The following PCARE variants were observed in gnomAD, a reference collection of about 807,000 sequenced individuals.
PCARE encodes photoreceptor cilium actin regulator, also known as uncharacterized protein C2orf71.
Under a neutral mutation model 82.2 loss-of-function variants are expected in PCARE, and 72 were observed. That is an observed-to-expected ratio of 0.88 (90% confidence interval 0.72 to 1.07). PCARE has a LOEUF of 1.07. Ranked by LOEUF, PCARE falls within the 50% of genes least tolerant of loss-of-function variation. The pLI, the probability that PCARE is intolerant of heterozygous loss-of-function variation, is 0.00. For synonymous variants in PCARE, 705 were observed against 634.8 expected, an observed-to-expected ratio of 1.11 and a Z score of -1.66; for missense variants, 1,768 against 1,592.4, an observed-to-expected ratio of 1.11 and a Z score of -1.88.
rs371950114 is a variant in PCARE at position 29,073,116 on chromosome 2, C to T, written c.1146G>A (p.Ser382=). 1.5e-5 allele frequency: 25 copies of T among 1,614,010 alleles called. 1 individual carries two copies. Among genetic ancestry groups the T allele is most frequent in the South Asian group, 9.9e-5 (9 of 91,088 alleles). Residue 382 remains serine (S), a synonymous_variant, in exon 1 of 2, where the codon TCG becomes TCA. Transcript: ENST00000331664. Reference sequence around the variant, plus strand: ...TGGCCTCTGTGTGGGGTGAAGTCACCGACTTCCATTCTTCGGGCTCTGGTG... The same window carrying T: ...TGGCCTCTGTGTGGGGTGAAGTCACTGACTTCCATTCTTCGGGCTCTGGTG... ...DLAPEPEEWK[S]VTSPHTEARQ... is the part of the protein sequence containing the mutation.
Position 29,063,667 on chromosome 2 carries a change from C to G in PCARE, c.*1202G>C, listed in dbSNP as rs1036707290. The G allele has an allele frequency of 6.6e-6, 1 of 152,630 alleles. No homozygotes were observed. Among genetic ancestry groups the G allele is most frequent in the Non-Finnish European group, 1.5e-5 (1 of 68,044 alleles). The allele number at this position is 152,630 out of a possible 1,614,324, so 9.5% of individuals were successfully genotyped here. A position where few individuals can be genotyped will look rare whatever the true frequency, so the allele number is the denominator to read the frequency against. On this transcript the variant is annotated 3_prime_UTR_variant, in exon 2 of 2. Coordinates refer to ENST00000331664, the MANE Select transcript of PCARE (RefSeq NM_001029883.3). Reference sequence around the variant, plus strand: ...CTTGTCTTTTGCCAACCCATTGAGCCGGCATTGAATCACTCAATTACTGCA... The same window carrying G: ...CTTGTCTTTTGCCAACCCATTGAGCGGGCATTGAATCACTCAATTACTGCA...
chr2:29,065,130 C>T, intron 1 of PCARE, 63 bp from the exon 2 acceptor site: 1 of 1,502,830 alleles, frequency 6.7e-7, no homozygotes, highest in East Asian at 2.5e-5. Context: ...TCCTGCCCCA[C>T]CCCTGTCCTC....
rs554207986 is a variant in PCARE at position 29,070,988 on chromosome 2, G to A, written c.3274C>T (p.Pro1092Ser). 5 of 1,612,124 alleles carry A rather than the reference G, an allele frequency of 3.1e-6. No individual in the cohort carries two copies. The highest frequency in any genetic ancestry group is 2.2e-5 in the East Asian group (1 of 44,852). ...PPFSIPSPSP[P>S]MSPSQEHKET... ...TTGTGCTCCTGAGAAGGGGACATTG[G>A]GGGTGATGGGGAGGGAATCGAGAAA... Residue 1092 changes from proline to serine, a missense_variant, in exon 1 of 2, where the codon CCA (proline) becomes TCA (serine). Transcript: ENST00000331664.
chr2:29,070,105 G>GATATAT (rs139616331), intron 1 of PCARE, among the ~76,000 whole-genome samples: 1 of 151,290 alleles, frequency 6.6e-6, no homozygotes, highest in South Asian at 2.1e-4. Flanking sequence ...ATTTTTTTGA[G>GATATAT]ATATATATAT....
At chr2:29,070,573 T>C (rs1667453894) in intron 1 of PCARE, 21 bp downstream of exon 1, 1 of 1,613,882 alleles carries the variant, frequency 6.2e-7, no homozygotes, top group South Asian at 1.1e-5. Context: ...TGAAGGGCAG[T>C]GACCCCAGGA....
rs1667331906 is a variant in PCARE at position 29,062,838 on chromosome 2, C to T, written c.*2031G>A. On this transcript the variant is annotated 3_prime_UTR_variant, in exon 2 of 2. Coordinates refer to ENST00000331664, the MANE Select transcript of PCARE (RefSeq NM_001029883.3). Reference sequence around the variant, plus strand: ...TCCTGGGGTTCCACCCCTCATGGTACCCCAGTTTCACCCACTGTGTCCCAC... The same window carrying T: ...TCCTGGGGTTCCACCCCTCATGGTATCCCAGTTTCACCCACTGTGTCCCAC... 6.6e-6 allele frequency: 1 copy of T among 152,200 alleles called. No homozygotes were observed. Among genetic ancestry groups the T allele is most frequent in the Non-Finnish European group, 1.5e-5 (1 of 68,050 alleles). 9.4% of individuals were successfully genotyped at this position (152,200 alleles called of 1,614,324 possible).
chr2:29,071,571 G>C lies in PCARE; in HGVS notation c.2691C>G (p.Thr897=), dbSNP rs767685634. ...TGCTGTGAGGCTTGGTCAGGCTGGC[G>C]GTGCTCTTGCTGGGCAGCAAGTCCA... ...SPLDLLPSKS[T]ASLTKPHSTG... is the part of the protein sequence containing the mutation. The change falls in exon 1 of 2, where the codon ACC becomes ACG. Residue 897 remains threonine, a synonymous_variant. Transcript: ENST00000331664. 1 of 1,610,760 alleles carries C rather than the reference G, an allele frequency of 6.2e-7. No individual in the cohort carries two copies. Among genetic ancestry groups the C allele is most frequent in the South Asian group, 1.1e-5 (1 of 91,070 alleles).
Position 29,071,305 on chromosome 2 carries a change from C to T in PCARE, c.2957G>A (p.Arg986Lys). 5 of 1,613,420 alleles carry T rather than the reference C, an allele frequency of 3.1e-6. No individual in the cohort carries two copies. Among genetic ancestry groups the T allele is most frequent in the Non-Finnish European group, 4.2e-6 (5 of 1,179,908 alleles). The change falls in exon 1 of 2, where the codon AGA becomes AAA. Residue 986 changes from arginine (R) to lysine (K), a missense_variant. Coordinates refer to ENST00000331664, the MANE Select transcript of PCARE (RefSeq NM_001029883.3). ...GGCCTTTCTGCCCACAGGGGGGCTT[C>T]TCTCTCGGCTCTGCCTTGGTCTGGC... ...SLARPRQSRE[R>K]SPPVGRKASP...
Position 29,071,793 on chromosome 2 carries a change from C to T in PCARE, c.2469G>A (p.Met823Ile). 2 of 1,613,770 alleles carry T rather than the reference C, an allele frequency of 1.2e-6. No individual in the cohort carries two copies. The highest frequency in any genetic ancestry group is 2.2e-5 in the South Asian group (2 of 91,034). Residue 823 changes from methionine (M) to isoleucine (I), a missense_variant, in exon 1 of 2, where the codon ATG becomes ATA. Coordinates refer to ENST00000331664, the MANE Select transcript of PCARE (RefSeq NM_001029883.3). The part of the protein sequence containing the change: ...AAKSEELSCE[M>I]EGNLEHLPPP... ...GAGGGAGGTGCTCGAGGTTCCCCTC[C>T]ATTTCACAGCTGAGCTCCTCACTCT...
chr2:29,072,006 G>A lies in PCARE; in HGVS notation c.2256C>T (p.Asp752=), dbSNP rs375644198. The change falls in exon 1 of 2, where the codon GAC becomes GAT. Residue 752 remains aspartate, a synonymous_variant. Transcript: ENST00000331664. ...ESLRMLGDSK[D]AGASPCLRNC... Reference sequence around the variant, plus strand: ...TCCTGAGGCAGGGACTTGCCCCAGCGTCCTTAGAGTCCCCCAGCATCCTCA... The same window carrying A: ...TCCTGAGGCAGGGACTTGCCCCAGCATCCTTAGAGTCCCCCAGCATCCTCA... 5.5e-5 allele frequency: 88 copies of A among 1,613,938 alleles called. No homozygotes were observed. Among genetic ancestry groups the A allele is most frequent in the South Asian group, 2.1e-4 (19 of 91,076 alleles).
rs1365408278 is a variant in PCARE, at chr2:29,071,195, G to C, written c.3067C>G (p.Pro1023Ala). The change falls in exon 1 of 2, where the codon CCC (proline) becomes GCC (alanine). Residue 1023 changes from proline (P) to alanine (A), a missense_variant. Pro to Ala is a conservative substitution (Grantham distance 27). Coordinates refer to ENST00000331664, the MANE Select transcript of PCARE (RefSeq NM_001029883.3). ...CTGGGGGGCGTCTGCACAGCAGAGG[G>C]GCTTGGCTGGGCAGGTCTGTAAGAG... ...PSSYRPAQPSPSAVQTPPSPP... is the reference protein window; with the variant it reads ...PSSYRPAQPSASAVQTPPSPP... 2 of 1,598,922 alleles carry C rather than the reference G, an allele frequency of 1.3e-6. No individual in the cohort carries two copies. The highest frequency in any genetic ancestry group is 2.3e-5 in the South Asian group (2 of 88,176).
chr2:29,069,054 TGGAGAGCCCCGCGTCTACATGA>T (rs1440971737), intron 1 of PCARE, among the ~76,000 whole-genome samples: 1 of 152,170 alleles, frequency 6.6e-6, no homozygotes, highest in Admixed American at 6.5e-5. Flanking sequence ...GAATGCAGGG[TGGAGAGCCCCGCGTCTACATGA>T]GGTGTGAGAT....
In PCARE at chr2:29,073,117, G is replaced by A. The variant is rs754861941; in HGVS notation, c.1145C>T (p.Ser382Leu). The A allele has an allele frequency of 8.7e-6, 14 of 1,613,998 alleles. No homozygotes were observed. The highest frequency in any genetic ancestry group is 2.2e-5 in the South Asian group (2 of 91,078). ...DLAPEPEEWK[S>L]VTSPHTEARQ... is the part of the protein sequence containing the mutation. The stretch of plus-strand genomic sequence containing the variant: ...GGCCTCTGTGTGGGGTGAAGTCACC[G>A]ACTTCCATTCTTCGGGCTCTGGTGC... Residue 382 changes from serine (S) to leucine (L), a missense_variant, in exon 1 of 2, where the codon TCG becomes TTG. Physicochemically the swap from Ser to Leu is moderately radical, Grantham distance 145. Coordinates refer to ENST00000331664, the MANE Select transcript of PCARE (RefSeq NM_001029883.3).
Position 29,072,758 on chromosome 2 carries a change from G to A in PCARE, c.1504C>T (p.Leu502=). The change falls in exon 1 of 2, where the codon CTG becomes TTG. Residue 502 remains leucine, a synonymous_variant. Transcript: ENST00000331664. ...EEEDKMSSMS[L]CAWQEKTPHS... is the part of the protein sequence containing the mutation. ...GGAGTTTTTTCCTGCCAGGCACACA[G>A]ACTCATGCTGCTCATTTTGTCTTCC... is the stretch of plus-strand genomic sequence containing the variant. 1.2e-6 allele frequency: 2 copies of A among 1,614,090 alleles called. No individual in the cohort carries two copies. The highest frequency in any genetic ancestry group is 2.2e-5 in the South Asian group (2 of 91,074).
At position 29,073,429 on chromosome 2, in the gene PCARE, A is replaced by C; in HGVS notation, c.833T>G (p.Leu278Arg). 1 of 1,614,148 alleles carries C rather than the reference A, an allele frequency of 6.2e-7. No individual in the cohort carries two copies. The highest frequency in any genetic ancestry group is 1.1e-5 in the South Asian group (1 of 91,082). ...GGCCACTGTGCCATTGAGCACCTGC[A>C]GCTTGCTGACTGTGTACTGTAGCAG... Reference protein sequence around the residue: ...QQLLQYTVSKLQVLNGTVASL... With the variant: ...QQLLQYTVSKRQVLNGTVASL... The change falls in exon 1 of 2, where the codon CTG becomes CGG. Residue 278 changes from leucine to arginine, a missense_variant. Transcript: ENST00000331664.
chr2:29,071,004 A>T lies in PCARE; in HGVS notation c.3258T>A (p.Ile1086=). 7.1e-7 allele frequency: 1 copy of T among 1,415,550 alleles called. No individual in the cohort carries two copies. Among genetic ancestry groups the T allele is most frequent in the Non-Finnish European group, 9.4e-7 (1 of 1,061,508 alleles). 87.7% of individuals were successfully genotyped at this position (1,415,550 alleles called of 1,614,324 possible). A position where few individuals can be genotyped will look rare whatever the true frequency, so the allele number is the denominator to read the frequency against. ...GGGACATTGGGGGTGATGGGGAGGG[A>T]ATCGAGAAAGGGGGGCTTGCTTCTG... is the stretch of plus-strand genomic sequence containing the variant. The part of the protein sequence containing the change: ...QHPEASPPFS[I]PSPSPPMSPS... The change falls in exon 1 of 2, where the codon ATT becomes ATA. Residue 1086 remains isoleucine (I), a synonymous_variant. Transcript: ENST00000331664.
intron 1 of PCARE, among the ~76,000 whole-genome samples, chr2:29,069,752 C>A (rs1055854506): frequency 6.6e-6 from 1 of 152,060 alleles, no homozygotes. Context: ...TTTGTGTTAA[C>A]GTATTTTTTA....
In PCARE at chr2:29,064,182, T is replaced by G. The variant is rs1326192241; in HGVS notation, c.*687A>C. On this transcript the variant is annotated 3_prime_UTR_variant, in exon 2 of 2. Coordinates refer to ENST00000331664, the MANE Select transcript of PCARE (RefSeq NM_001029883.3). ...TCCTGGCTCACTCAGCCTTCTCATTTTGGGAGCCATGCACTTCTAAACAAA... is the reference window on the plus strand; with the variant it reads ...TCCTGGCTCACTCAGCCTTCTCATTGTGGGAGCCATGCACTTCTAAACAAA... 6.5e-6 allele frequency: 1 copy of G among 153,142 alleles called. No individual in the cohort carries two copies. Among genetic ancestry groups the G allele is most frequent in the Admixed American group, 6.5e-5 (1 of 15,332 alleles). The allele number at this position is 153,142 out of a possible 1,614,324, so 9.5% of individuals were successfully genotyped here.
chr2:29,073,677 G>A lies in PCARE; in HGVS notation c.585C>T (p.Leu195=). 5 of 1,614,240 alleles carry A rather than the reference G, an allele frequency of 3.1e-6. No individual in the cohort carries two copies. Among genetic ancestry groups the A allele is most frequent in the Non-Finnish European group, 4.2e-6 (5 of 1,180,046 alleles). Residue 195 remains leucine, a synonymous_variant, in exon 1 of 2, where the codon CTC becomes CTT. Coordinates refer to ENST00000331664, the MANE Select transcript of PCARE (RefSeq NM_001029883.3). ...TGCACAGAATTGCTTCATATTTGGA[G>A]AGGCTGGAGTGTAGATAGGTGTAAG... ...QQAYTYLHSS[L]SKYEAILCII... is the part of the protein sequence containing the mutation.
Sources: gnomAD v4.1 joint callset for allele counts (sites outside exome capture counted in the v4.1 genomes callset) on GRCh38, gnomAD v4.1.1 for gene constraint, MANE v1.5 for transcripts, NCBI Gene and HGNC (gene_info 2026-07-23, HGNC 2026-07-21) for gene names.